The following TPST1 variants were observed in gnomAD, a reference collection of about 807,000 sequenced individuals.
The protein encoded by TPST1 is protein-tyrosine sulfotransferase 1.
TPST1 carries 20 observed loss-of-function variants against 34.8 expected under a neutral mutation model. That is an observed-to-expected ratio of 0.57 (90% CI 0.40 to 0.84). The LOEUF (loss-of-function observed/expected upper bound fraction) is 0.84, where lower values mean the gene tolerates loss of function less well. TPST1 is among the 40% of genes least tolerant of loss of function. The probability of loss-of-function intolerance (pLI) is 0.00; values close to 1 mark genes in which losing one functional copy is unlikely to be tolerated. For synonymous variants in TPST1, 152 were observed against 159.4 expected, an observed-to-expected ratio of 0.95 and a Z score of 0.35; for missense variants, 353 against 455.5, an observed-to-expected ratio of 0.78 and a Z score of 2.05.
At chr7:66,321,651 A>G (rs1031432368) in intron 3 of TPST1, among the ~76,000 whole-genome samples, 3 of 152,224 alleles carry the variant, frequency 2.0e-5, no homozygotes, top group African/African-American at 7.2e-5. Context: ...AATTTGAGAG[A>G]TAGTGCCAAA....
chr7:66,305,000 A>C (rs568129825), intron 3 of TPST1, among the ~76,000 whole-genome samples: 51 of 152,060 alleles, frequency 3.4e-4, no homozygotes, highest in Non-Finnish European at 6.8e-4. Context: ...AACTTTTTGT[A>C]GAGACAAGAG....
chr7:66,326,362 C>G (rs1437534940), intron 3 of TPST1, among the ~76,000 whole-genome samples: 1 of 152,100 alleles, frequency 6.6e-6, no homozygotes, highest in Non-Finnish European at 1.5e-5. Flanking sequence ...ACTGTATTCT[C>G]ATGTTTAAAG....
At chr7:66,347,615 C>T (rs990877454) in intron 3 of TPST1, among the ~76,000 whole-genome samples, 2 of 152,138 alleles carry the variant, frequency 1.3e-5, no homozygotes, top group African/African-American at 4.8e-5. Context: ...TAATGTTACT[C>T]CACCAGTATT....
chr7:66,335,776 C>A (rs553751276), intron 3 of TPST1, among the ~76,000 whole-genome samples: 4 of 152,208 alleles, frequency 2.6e-5, no homozygotes, highest in Non-Finnish European at 5.9e-5. Context: ...AAACAATAGG[C>A]CAGTACTTAA....
intron 3 of TPST1, among the ~76,000 whole-genome samples, chr7:66,295,109 AT>A (rs201547318): frequency 6.0e-5 from 9 of 150,100 alleles, no homozygotes; most frequent in Admixed American, 1.3e-4. Context: ...CAATTTTAGG[AT>A]TTTTTTTTTA....
Position 66,322,913 on chromosome 7 carries a change from TTTTTTTTA to T in TPST1, c.1045-29577_1045-29570del, listed in dbSNP as rs1791786295. Among the ~76,000 whole-genome samples the T allele has an allele frequency of 2.0e-5, 3 of 150,108 alleles. No homozygotes were observed. In the South Asian group the frequency reaches 6.3e-4, roughly 31 times the overall value. On this transcript the variant is annotated intron_variant, in intron 3 of 5. Coordinates refer to ENST00000304842, the MANE Select transcript of TPST1 (RefSeq NM_003596.4). ...TTCCACAGCTCACCAACACTTGTTA[TTTTTTTTA>T]TTTTTTTATTTTTTATTTTTTTAAA...
chr7:66,308,569 C>T (rs1216140940), intron 3 of TPST1, among the ~76,000 whole-genome samples: 1 of 152,158 alleles, frequency 6.6e-6, no homozygotes, highest in African/African-American at 2.4e-5. Context: ...TCTACCTCTG[C>T]GTGTGCTTAT....
chr7:66,268,146 T>G (rs1562822265), intron 2 of TPST1, among the ~76,000 whole-genome samples: 1 of 152,008 alleles, frequency 6.6e-6, no homozygotes, highest in African/African-American at 2.4e-5. Context: ...AGAGATGAGG[T>G]TTTGCCATGT....
chr7:66,239,904 CAG>C (rs1789991182), intron 1 of TPST1, among the ~76,000 whole-genome samples: 1 of 151,870 alleles, frequency 6.6e-6, no homozygotes, highest in African/African-American at 2.4e-5. Flanking sequence ...TTTTTTGAGA[CAG>C]AGTCTTGCTT....
At chr7:66,297,227 C>T (rs1036336197) in intron 3 of TPST1, among the ~76,000 whole-genome samples, 1 of 152,120 alleles carries the variant, frequency 6.6e-6, no homozygotes, top group Non-Finnish European at 1.5e-5. Context: ...TCTGTATTTC[C>T]TAGTGGGTCT....
At chr7:66,266,062 T>C (rs1458984014) in intron 2 of TPST1, among the ~76,000 whole-genome samples, 2 of 152,124 alleles carry the variant, frequency 1.3e-5, no homozygotes, top group African/African-American at 4.8e-5. Flanking sequence ...ATAAAGAACA[T>C]GGGTCAAGTT....
chr7:66,216,482 T>TG (rs1314242209), intron 1 of TPST1, among the ~76,000 whole-genome samples: 1 of 151,770 alleles, frequency 6.6e-6, no homozygotes, highest in African/African-American at 2.4e-5. Flanking sequence ...TTTCTTTTTT[T>TG]TTTTTGAGAC....
At chr7:66,294,892 G>A (rs1366848486) in intron 3 of TPST1, among the ~76,000 whole-genome samples, 2 of 151,998 alleles carry the variant, frequency 1.3e-5, no homozygotes, top group Admixed American at 1.3e-4. Flanking sequence ...CCCATTGTGT[G>A]CATGCTTTTT....
chr7:66,338,920 A>AT (rs1440536657), intron 3 of TPST1, among the ~76,000 whole-genome samples: 4 of 152,232 alleles, frequency 2.6e-5, no homozygotes, highest in Admixed American at 2.0e-4. Flanking sequence ...CAAACCCCCA[A>AT]TTTTTTGTTC....
intron 2 of TPST1, among the ~76,000 whole-genome samples, chr7:66,246,910 G>A (rs990390354): frequency 1.3e-5 from 2 of 152,176 alleles, no homozygotes; most frequent in South Asian, 4.1e-4. Context: ...CATAACTGGG[G>A]TTCCTTTTAC....
At chr7:66,276,702 T>C (rs1458017104) in intron 2 of TPST1, among the ~76,000 whole-genome samples, 1 of 152,146 alleles carries the variant, frequency 6.6e-6, no homozygotes, top group Non-Finnish European at 1.5e-5. Context: ...ATTTCTAAAT[T>C]CCTGAGCTCT....
At chr7:66,206,211 G>A (rs1789127938) in intron 1 of TPST1, among the ~76,000 whole-genome samples, 1 of 147,980 alleles carries the variant, frequency 6.8e-6, no homozygotes, top group African/African-American at 2.5e-5. Flanking sequence ...CTTCTGCCTC[G>A]GCCTCCAAAG....
intron 2 of TPST1, among the ~76,000 whole-genome samples, chr7:66,255,845 T>TA (rs541917740): frequency 1.7e-4 from 26 of 148,786 alleles, no homozygotes; most frequent in East Asian, 3.9e-4. Flanking sequence ...CTCTTCTGCT[T>TA]AAAAAAAAAA....
In TPST1 at chr7:66,276,365, C is replaced by CATATATATATATATAT. The variant is rs138862941; in HGVS notation, c.846-10145_846-10130dup. Among the ~76,000 whole-genome samples the CATATATATATATATAT allele has an allele frequency of 4.3e-3, 390 of 90,842 alleles. 49 individuals carry two copies. Among genetic ancestry groups the CATATATATATATATAT allele is most frequent in the East Asian group, 0.015 (47 of 3,184 alleles). 59.6% of individuals were successfully genotyped at this position (90,842 alleles called of 152,430 possible). ...TTCTTCTTAAATTTTAAAAACATTT[C>CATATATATATATATAT]ATATATATATATATATGTATTTTTT... On this transcript the variant is annotated intron_variant, in intron 2 of 5. Coordinates refer to ENST00000304842, the MANE Select transcript of TPST1 (RefSeq NM_003596.4).
Sources: allele counts gnomAD v4.1 joint callset (sites outside exome capture counted in the v4.1 genomes callset), GRCh38; gene constraint gnomAD v4.1.1; transcripts MANE v1.5; gene names NCBI Gene and HGNC (gene_info 2026-07-23, HGNC 2026-07-21).